The following MTHFD2 variants were observed in gnomAD, a reference collection of about 807,000 sequenced individuals.
MTHFD2 encodes bifunctional methylenetetrahydrofolate dehydrogenase/cyclohydrolase, mitochondrial.
MTHFD2 carries 26 observed loss-of-function variants against 36.8 expected under a neutral mutation model. That is an observed-to-expected ratio of 0.71 (90% CI 0.52 to 0.98). The LOEUF (loss-of-function observed/expected upper bound fraction) is 0.98. Among genes scored for constraint, MTHFD2 ranks in the 50% least tolerant of loss-of-function variants. The probability of loss-of-function intolerance (pLI) is 0.00; values close to 1 mark genes in which losing one functional copy is unlikely to be tolerated. For missense variants in MTHFD2, 373 were observed against 434.0 expected (o/e 0.86, Z 1.25); for synonymous variants, 164 against 155.2 (o/e 1.06, Z -0.42).
In MTHFD2 at chr2:74,215,195, T is replaced by C. The variant is rs1694407101; in HGVS notation, c.*953T>C. On this transcript the variant is annotated 3_prime_UTR_variant, in exon 8 of 8. Coordinates refer to ENST00000394053, the MANE Select transcript of MTHFD2 (RefSeq NM_006636.4). ...CCTGTTGACTTTTCCAGAAATTTTT[T>C]AAGAGTTTGAGTTACTATTGAATTT... The C allele has an allele frequency of 6.6e-6, 1 of 152,638 alleles. No individual in the cohort carries two copies. The highest frequency in any genetic ancestry group is 1.5e-5 in the Non-Finnish European group (1 of 68,040). 9.5% of individuals were successfully genotyped at this position (152,638 alleles called of 1,614,324 possible).
chr2:74,211,952 T>TA, intron 7 of MTHFD2, 86 bp downstream of exon 7: 1 of 1,160,798 alleles, frequency 8.6e-7, no homozygotes, highest in Non-Finnish European at 1.1e-6. Flanking sequence ...TACTTTTTTT[T>TA]TTTTTTTTTT....
At chr2:74,201,237 C>T (rs764210668) in intron 1 of MTHFD2, among the ~76,000 whole-genome samples, 1 of 152,156 alleles carries the variant, frequency 6.6e-6, no homozygotes, top group Non-Finnish European at 1.5e-5. Context: ...ATCCACCCAC[C>T]TTGACCTCCC....
rs1215190868 is a variant in MTHFD2, at chr2:74,198,619, C to T, written c.-23C>T. 6.3e-6 allele frequency: 10 copies of T among 1,582,962 alleles called. No homozygotes were observed. The highest frequency in any genetic ancestry group is 3.3e-4 in the Middle Eastern group (2 of 5,982). On this transcript the variant is annotated 5_prime_UTR_variant, in exon 1 of 8. Transcript: ENST00000394053. The stretch of plus-strand genomic sequence containing the variant: ...GTGGCCCGCGCGCGCGCTTCCCTCC[C>T]GGCGCAGTCACCGGCGCGGTCTATG...
chr2:74,203,171 A>G (rs1213358586), intron 1 of MTHFD2, among the ~76,000 whole-genome samples: 1 of 151,988 alleles, frequency 6.6e-6, no homozygotes, highest in Admixed American at 6.6e-5. Context: ...ATGCCTGGCA[A>G]ATTTTTGTAT....
In MTHFD2 at chr2:74,214,696, T is replaced by C. The variant is rs1470026477; in HGVS notation, c.*454T>C. 1 of 152,500 alleles carries C rather than the reference T, an allele frequency of 6.6e-6. No homozygotes were observed. Among genetic ancestry groups the C allele is most frequent in the East Asian group, 1.9e-4 (1 of 5,184 alleles). 9.4% of individuals were successfully genotyped at this position (152,500 alleles called of 1,614,324 possible). On this transcript the variant is annotated 3_prime_UTR_variant, in exon 8 of 8. Transcript: ENST00000394053. ...TAGGGAAAAGGTGAAAAAGAAAAAATGGTAGTAATTGAGCAGAAAAAAATT... is the reference window on the plus strand; with the variant it reads ...TAGGGAAAAGGTGAAAAAGAAAAAACGGTAGTAATTGAGCAGAAAAAAATT...
At chr2:74,198,776 A>G in intron 1 of MTHFD2, 34 bp downstream of exon 1, 1 of 1,562,522 alleles carries the variant, frequency 6.4e-7, no homozygotes, top group Non-Finnish European at 8.7e-7. Context: ...CAGCGCGGAA[A>G]GCTGAGGGGA....
intron 4 of MTHFD2, among the ~76,000 whole-genome samples, 200 bp from the exon 5 acceptor site, chr2:74,209,742 A>C (rs1427215716): frequency 6.6e-6 from 1 of 152,102 alleles, no homozygotes; most frequent in Non-Finnish European, 1.5e-5. Flanking sequence ...AAGATTTGAT[A>C]GTGGTGACAG....
chr2:74,211,367 C>A, intron 6 of MTHFD2, 76 bp downstream of exon 6: 1 of 868,160 alleles, frequency 1.2e-6, no homozygotes, highest in South Asian at 1.6e-5. Context: ...TAGAATTCGC[C>A]TGCCTAGCTG....
At position 74,210,785 on chromosome 2, in the gene MTHFD2, G is replaced by GTTTTTTTTT. The variant is rs71406865; in HGVS notation, c.671-405_671-397dup. The stretch of plus-strand genomic sequence containing the variant: ...AAACATGGCACAAGCCATTAAGTCA[G>GTTTTTTTTT]TTTTTTTTTTTTTTTTTCCTGGAGA... On this transcript the variant is annotated intron_variant, in intron 5 of 7. Coordinates refer to ENST00000394053, the MANE Select transcript of MTHFD2 (RefSeq NM_006636.4). 5.3e-4 allele frequency among the ~76,000 whole-genome samples: 70 copies of GTTTTTTTTT among 132,046 alleles called. 3 individuals carry two copies. The highest frequency in any genetic ancestry group is 7.8e-4 in the Non-Finnish European group (50 of 64,352). 86.6% of individuals were successfully genotyped at this position (132,046 alleles called of 152,430 possible). A position where few individuals can be genotyped will look rare whatever the true frequency, so the allele number is the denominator to read the frequency against.
At chr2:74,199,006 C>T (rs1302958999) in intron 1 of MTHFD2, among the ~76,000 whole-genome samples, 1 of 152,146 alleles carries the variant, frequency 6.6e-6, no homozygotes, top group African/African-American at 2.4e-5. Flanking sequence ...GGGGCGTCGC[C>T]GGGGCCCGTG....
chr2:74,211,288 G>T lies in MTHFD2; in HGVS notation c.760G>T (p.Ala254Ser), dbSNP rs756022620. 13 of 1,587,056 alleles carry T rather than the reference G, an allele frequency of 8.2e-6. No individual in the cohort carries two copies. Among genetic ancestry groups the T allele is most frequent in the Non-Finnish European group, 8.6e-6 (10 of 1,157,260 alleles). Residue 254 changes from alanine (A) to serine (S), a missense_variant, in exon 6 of 8, where the codon GCA becomes TCA. By Grantham distance (99) the Ala-to-Ser change is moderately conservative. Coordinates refer to ENST00000394053, the MANE Select transcript of MTHFD2 (RefSeq NM_006636.4). The stretch of plus-strand genomic sequence containing the variant: ...TCTTGCAGATATTGTAATATCTGCT[G>T]CAGGTAAGAACACAAGGGGGATGGA... ...TILADIVISA[A>S]GIPNLITADM...
chr2:74,201,356 T>C (rs545332502), intron 1 of MTHFD2, among the ~76,000 whole-genome samples: 1 of 152,012 alleles, frequency 6.6e-6, no homozygotes, highest in South Asian at 2.1e-4. Context: ...TTTTTTTCTT[T>C]CCTTTTTTTT....
intron 2 of MTHFD2, chr2:74,206,261 A>G (rs184318719): frequency 1.3e-4 from 24 of 181,202 alleles, no homozygotes; most frequent in Non-Finnish European, 2.4e-4. Context: ...CTTAGGGGGC[A>G]TGATTGAGCA....
chr2:74,213,518 C>A (rs1052264572), intron 7 of MTHFD2, among the ~76,000 whole-genome samples: 2 of 152,020 alleles, frequency 1.3e-5, no homozygotes, highest in African/African-American at 4.8e-5. Context: ...CTCAAACAAT[C>A]TCCCCCACCT....
chr2:74,212,351 C>T (rs1694328466), intron 7 of MTHFD2, among the ~76,000 whole-genome samples: 1 of 150,318 alleles, frequency 6.7e-6, no homozygotes, highest in Admixed American at 6.6e-5. Context: ...CTGCAGCCTC[C>T]ACCTCACAGC....
intron 1 of MTHFD2, among the ~76,000 whole-genome samples, chr2:74,204,903 G>A (rs572927644): frequency 7.2e-5 from 11 of 152,142 alleles, no homozygotes; most frequent in Non-Finnish European, 1.2e-4. Context: ...TCAGCTCACC[G>A]CAACCTCTGC....
chr2:74,207,274 G>A (rs563397157), intron 2 of MTHFD2, among the ~76,000 whole-genome samples: 20 of 152,214 alleles, frequency 1.3e-4, no homozygotes, highest in African/African-American at 4.3e-4. Flanking sequence ...GACTACAGGC[G>A]CGTTCCACCA....
At chr2:74,198,810 G>A in intron 1 of MTHFD2, 68 bp downstream of exon 1, 10 of 1,370,410 alleles carry the variant, frequency 7.3e-6, no homozygotes, top group East Asian at 2.6e-5. Flanking sequence ...GGCACGCCGG[G>A]CCCCCGAGGG....
At position 74,217,456 on chromosome 2, in the gene MTHFD2, T is replaced by G. The variant is rs1343938235; in HGVS notation, c.*3214T>G. ...TTTAAAGTACTAGGTTGATTAATATTGCAAAGTTGTAATGTAAAATGTGAC... is the reference window on the plus strand; with the variant it reads ...TTTAAAGTACTAGGTTGATTAATATGGCAAAGTTGTAATGTAAAATGTGAC... On this transcript the variant is annotated 3_prime_UTR_variant, in exon 8 of 8. Coordinates refer to ENST00000394053, the MANE Select transcript of MTHFD2 (RefSeq NM_006636.4). 6.6e-6 allele frequency: 1 copy of G among 152,218 alleles called. No homozygotes were observed. Among genetic ancestry groups the G allele is most frequent in the African/African-American group, 2.4e-5 (1 of 41,464 alleles). The allele number at this position is 152,218 out of a possible 1,614,324, so 9.4% of individuals were successfully genotyped here. A position where few individuals can be genotyped will look rare whatever the true frequency, so the allele number is the denominator to read the frequency against.
Sources: allele counts gnomAD v4.1 joint callset (sites outside exome capture counted in the v4.1 genomes callset), GRCh38; gene constraint gnomAD v4.1.1; transcripts MANE v1.5; gene names NCBI Gene and HGNC (gene_info 2026-07-23, HGNC 2026-07-21).